Variants in FANCD2 observed in about 807,000 individuals in gnomAD.
FANCD2 encodes FA complementation group D2, also known as Fanconi anemia group D2 protein.
FANCD2 carries 131 observed loss-of-function variants against 192.3 expected under a neutral mutation model. The ratio of observed to expected loss-of-function variants is 0.68; its 90% CI spans 0.59 to 0.79. FANCD2 has a LOEUF of 0.79. FANCD2 is among the 30% of genes least tolerant of loss of function. The pLI, the probability that FANCD2 is intolerant of heterozygous loss-of-function variation, is 0.00. For synonymous variants in FANCD2, 524 were observed against 612.5 expected, an observed-to-expected ratio of 0.86 and a Z score of 2.13; for missense variants, 1,508 against 1,701.6, an observed-to-expected ratio of 0.89 and a Z score of 2.00.
intron 26 of FANCD2, among the ~76,000 whole-genome samples, chr3:10,069,814 A>G (rs1275068142): frequency 1.3e-5 from 2 of 151,496 alleles, no homozygotes. Flanking sequence ...GCTCGCTACA[A>G]CCTCCACCTC....
intron 23 of FANCD2, among the ~76,000 whole-genome samples, 182 bp from the exon 24 acceptor site, chr3:10,065,212 C>T (rs771918164): frequency 2.6e-5 from 4 of 152,132 alleles, no homozygotes; most frequent in Non-Finnish European, 4.4e-5. Flanking sequence ...TTGCTTGAAC[C>T]TGGGAGGCAG....
chr3:10,056,379 A>G (rs1415465210), intron 18 of FANCD2, among the ~76,000 whole-genome samples: 1 of 152,142 alleles, frequency 6.6e-6, no homozygotes. Context: ...TATGTTTACC[A>G]TTTTGAGGAA....
chr3:10,054,383 A>ATATGTATATACG (rs2087319057), intron 18 of FANCD2, among the ~76,000 whole-genome samples: 1 of 117,294 alleles, frequency 8.5e-6, no homozygotes, highest in Non-Finnish European at 1.6e-5. Context: ...ATATACATAT[A>ATATGTATATACG]TATATGTATA....
At chr3:10,098,958 T>A in intron 43 of FANCD2, 143 bp downstream of exon 43, 1 of 1,614,204 alleles carries the variant, frequency 6.2e-7, no homozygotes, top group Non-Finnish European at 8.5e-7. Flanking sequence ...TAACAGCTTC[T>A]GTGCTTATAT....
At chr3:10,048,859 C>G (rs1239952900) in intron 16 of FANCD2, among the ~76,000 whole-genome samples, 1 of 150,370 alleles carries the variant, frequency 6.7e-6, no homozygotes, top group African/African-American at 2.4e-5. Context: ...TCTGTTATGA[C>G]TATTATGGAG....
At chr3:10,053,153 A>C (rs545846217) in intron 18 of FANCD2, among the ~76,000 whole-genome samples, 11 of 148,152 alleles carry the variant, frequency 7.4e-5, no homozygotes, top group African/African-American at 2.5e-4. Flanking sequence ...GATAGACTGG[A>C]TTAAGAAAAT....
intron 37 of FANCD2, 122 bp downstream of exon 37, chr3:10,090,507 T>G (rs1424110508): frequency 1.6e-6 from 1 of 632,426 alleles, no homozygotes; most frequent in East Asian, 3.2e-5. Flanking sequence ...TTGCCCAGAC[T>G]GGAGTGCAGT....
intron 41 of FANCD2, 121 bp downstream of exon 41, chr3:10,095,395 G>A (rs1694893655): frequency 1.2e-6 from 1 of 850,392 alleles, no homozygotes; most frequent in Non-Finnish European, 2.0e-6. Flanking sequence ...CTGTCCAAAG[G>A]CAGTTTATTC....
At chr3:10,095,074 T>C (rs1488622746) in intron 40 of FANCD2, 126 bp from the exon 41 acceptor site, 1 of 774,030 alleles carries the variant, frequency 1.3e-6, no homozygotes, top group African/African-American at 1.7e-5. Flanking sequence ...CAAATTAAGA[T>C]GATTATCAGC....
rs77646774 is a variant in FANCD2 at position 10,057,582 on chromosome 3, C to T, written c.1657-2712C>T. Among the ~76,000 whole-genome samples the T allele has an allele frequency of 2.4e-4, 36 of 152,226 alleles. 2 individuals carry two copies. The East Asian group carries it at 6.9e-3, about 29-fold the overall frequency. On this transcript the variant is annotated intron_variant, in intron 18 of 43. Coordinates refer to ENST00000675286, the MANE Select transcript of FANCD2 (RefSeq NM_001018115.3). ...GTTTCACCATGTTGGCCAGGATGAT[C>T]TCAATCTCTTAACCTCATGATCTGC...
At chr3:10,077,831 A>T (rs1419779588) in intron 29 of FANCD2, among the ~76,000 whole-genome samples, 2 of 151,994 alleles carry the variant, frequency 1.3e-5, no homozygotes, top group East Asian at 3.9e-4. Flanking sequence ...GGAGTTTGAG[A>T]CCAGCTTGGG....
chr3:10,054,483 T>A (rs1295709477), intron 18 of FANCD2, among the ~76,000 whole-genome samples: 1 of 59,562 alleles, frequency 1.7e-5, no homozygotes, highest in Non-Finnish European at 3.3e-5. Flanking sequence ...ATTTTTTTTT[T>A]TTTTTTTTTT....
Position 10,064,860 on chromosome 3 carries a change from A to T in FANCD2, c.2153A>T (p.Gln718Leu), listed in dbSNP as rs575204533. The T allele has an allele frequency of 6.2e-7, 1 of 1,613,802 alleles. No homozygotes were observed. Among genetic ancestry groups the T allele is most frequent in the Admixed American group, 1.7e-5 (1 of 60,012 alleles). Residue 718 changes from glutamine (Q) to leucine (L), a missense_variant, in exon 23 of 44, where the codon CAG becomes CTG. Transcript: ENST00000675286. ...AAAGATGGGGGTCCGGTGACCTCAC[A>T]GGAATCAGGCCAAAAGTCAGTATAG... Reference protein sequence around the residue: ...FAKDGGPVTSQESGQKLVSPL... With the variant: ...FAKDGGPVTSLESGQKLVSPL...
At chr3:10,069,466 C>T (rs1180985901) in intron 26 of FANCD2, among the ~76,000 whole-genome samples, 6 of 127,512 alleles carry the variant, frequency 4.7e-5, no homozygotes, top group African/African-American at 1.8e-4. Context: ...GATGCCTCTC[C>T]CCCTCCCCCT....
intron 26 of FANCD2, among the ~76,000 whole-genome samples, chr3:10,070,107 G>C (rs1228146749): frequency 1.4e-5 from 2 of 143,492 alleles, no homozygotes; most frequent in Non-Finnish European, 3.1e-5. Flanking sequence ...GCCTCTGCCC[G>C]GCCGCGACCC....
At chr3:10,050,763 A>C (rs1483832976) in intron 17 of FANCD2, among the ~76,000 whole-genome samples, 2 of 151,984 alleles carry the variant, frequency 1.3e-5, no homozygotes, top group Non-Finnish European at 2.9e-5. Context: ...AAAGGATGTC[A>C]GGTAGCAAAA....
At chr3:10,043,269 T>C in intron 12 of FANCD2, 119 bp downstream of exon 12, 1 of 854,578 alleles carries the variant, frequency 1.2e-6, no homozygotes. Context: ...AGTATTATAT[T>C]GTTTTTCAAA....
At chr3:10,055,576 G>C (rs2087384101) in intron 18 of FANCD2, among the ~76,000 whole-genome samples, 2 of 152,152 alleles carry the variant, frequency 1.3e-5, no homozygotes, top group Non-Finnish European at 2.9e-5. Flanking sequence ...ACTTTGGGAG[G>C]CTGAGGCGGG....
At chr3:10,033,454 A>G (rs1204955863) in intron 3 of FANCD2, among the ~76,000 whole-genome samples, 2 of 152,098 alleles carry the variant, frequency 1.3e-5, no homozygotes, top group Non-Finnish European at 2.9e-5. Context: ...CCTCATTACT[A>G]TGTCTTAAGT....
Sources: allele counts gnomAD v4.1 joint callset (sites outside exome capture counted in the v4.1 genomes callset), GRCh38; gene constraint gnomAD v4.1.1; transcripts MANE v1.5; gene names NCBI Gene and HGNC (gene_info 2026-07-23, HGNC 2026-07-21).